WASHC5: variants seen among roughly 807,000 people sequenced by gnomAD.
WASHC5 encodes the protein WASH complex subunit strumpellin.
Under a neutral mutation model 150.4 loss-of-function variants are expected in WASHC5, and 101 were observed. The ratio of observed to expected loss-of-function variants is 0.67; its 90% confidence interval spans 0.57 to 0.79. The LOEUF is 0.79. WASHC5 is among the 30% of genes least tolerant of loss of function. The pLI is 0.00. For missense variants in WASHC5, 1,195 were observed against 1,396.3 expected (o/e 0.86, Z 2.30); for synonymous variants, 467 against 491.2 (o/e 0.95, Z 0.65).
intron 10 of WASHC5, among the ~76,000 whole-genome samples, chr8:125,066,295 A>T (rs560538541): frequency 6.6e-6 from 1 of 152,322 alleles, no homozygotes; most frequent in Non-Finnish European, 1.5e-5. Flanking sequence ...TTTCTGAGCT[A>T]CTTAGTAGGG....
At chr8:125,041,354 G>C (rs1381782822) in intron 23 of WASHC5, among the ~76,000 whole-genome samples, 1 of 152,188 alleles carries the variant, frequency 6.6e-6, no homozygotes, top group East Asian at 1.9e-4. Flanking sequence ...GCAGAGAAGA[G>C]TTAAGGAAAA....
chr8:125,055,251 C>T (rs1029402062), intron 17 of WASHC5, among the ~76,000 whole-genome samples: 33 of 152,048 alleles, frequency 2.2e-4, no homozygotes, highest in Admixed American at 2.1e-3. Context: ...TGGTGAAACT[C>T]GTCTCTATTA....
intron 1 of WASHC5, among the ~76,000 whole-genome samples, chr8:125,088,888 G>A (rs1013666642): frequency 1.3e-5 from 2 of 152,038 alleles, no homozygotes; most frequent in African/African-American, 4.8e-5. Context: ...AAGTGCAAAG[G>A]CCCCAGGGCA....
At chr8:125,045,340 T>C (rs868603434) in intron 20 of WASHC5, among the ~76,000 whole-genome samples, 3 of 152,224 alleles carry the variant, frequency 2.0e-5, no homozygotes, top group Middle Eastern at 3.2e-3. Flanking sequence ...ATGTGCTATT[T>C]CATCCTCATA....
intron 5 of WASHC5, 69 bp from the exon 6 acceptor site, chr8:125,078,999 A>G: frequency 1.5e-6 from 2 of 1,312,526 alleles, no homozygotes; most frequent in Non-Finnish European, 1.1e-6. Flanking sequence ...AGTCCAATAA[A>G]GTAGAATTCC....
Position 125,056,684 on chromosome 8 carries a change from C to T in WASHC5, c.2009G>A (p.Arg670Gln), listed in dbSNP as rs1377536205. The change falls in exon 16 of 29, where the codon CGA (arginine) becomes CAA (glutamine). Residue 670 changes from arginine (R) to glutamine (Q), a missense_variant. Arg to Gln is a conservative substitution (Grantham distance 43, BLOSUM62 1). This residue lies in a region of WASHC5 where 997 missense variants were observed against 1,168.1 expected (regional missense o/e 0.85). Coordinates refer to ENST00000318410, the MANE Select transcript of WASHC5 (RefSeq NM_014846.4). ...GTCAGAGGGACACAGCACCTCGTAT[C>T]GTGGGCCTAGCTGAGCATAGTCCCT... ...KLRDYAQLGP[R>Q]YEVAKLTHAI... The T allele has an allele frequency of 5.0e-6, 8 of 1,613,946 alleles. No homozygotes were observed. In the African/African-American group the frequency reaches 5.3e-5, roughly 11 times the overall value.
intron 17 of WASHC5, among the ~76,000 whole-genome samples, chr8:125,054,724 C>A (rs559905377): frequency 6.6e-6 from 1 of 151,752 alleles, no homozygotes; most frequent in South Asian, 2.1e-4. Context: ...GAGGCTGAGG[C>A]AGGAGAATGG....
intron 12 of WASHC5, among the ~76,000 whole-genome samples, chr8:125,060,105 A>G (rs1816547725): frequency 6.6e-6 from 1 of 152,270 alleles, no homozygotes; most frequent in South Asian, 2.1e-4. Flanking sequence ...AAATATTCCA[A>G]GTGAAAACAG....
At chr8:125,049,626 C>T (rs956253802) in intron 18 of WASHC5, among the ~76,000 whole-genome samples, 2 of 151,606 alleles carry the variant, frequency 1.3e-5, no homozygotes, top group African/African-American at 4.9e-5. Flanking sequence ...ATGGGTGGAT[C>T]ACTTGAGGTC....
At chr8:125,046,426 G>C (rs928198546) in intron 20 of WASHC5, among the ~76,000 whole-genome samples, 1 of 152,170 alleles carries the variant, frequency 6.6e-6, no homozygotes, top group East Asian at 1.9e-4. Context: ...ACTGCTGAAC[G>C]TAGAGCCCAC....
At chr8:125,064,621 CTG>C (rs1816696119) in intron 10 of WASHC5, among the ~76,000 whole-genome samples, 1 of 147,806 alleles carries the variant, frequency 6.8e-6, no homozygotes, top group African/African-American at 2.5e-5. Flanking sequence ...TTTTTTTTTT[CTG>C]AAACAAACTT....
chr8:125,076,317 A>G (rs1817058134), intron 7 of WASHC5, 31 bp downstream of exon 7: 1 of 1,603,914 alleles, frequency 6.2e-7, no homozygotes, highest in African/African-American at 1.3e-5. Flanking sequence ...TAACACATTT[A>G]CTGTAGAGGA....
At chr8:125,088,887 G>A (rs1372139015) in intron 1 of WASHC5, among the ~76,000 whole-genome samples, 3 of 152,094 alleles carry the variant, frequency 2.0e-5, no homozygotes, top group Non-Finnish European at 4.4e-5. Context: ...TAAGTGCAAA[G>A]GCCCCAGGGC....
chr8:125,083,000 A>G lies in WASHC5; in HGVS notation c.332+113T>C, dbSNP rs921377395. 20 of 730,008 alleles carry G rather than the reference A, an allele frequency of 2.7e-5. No homozygotes were observed. The Admixed American group carries it at 4.9e-4, about 18-fold the overall frequency. 45.2% of individuals were successfully genotyped at this position (730,008 alleles called of 1,614,324 possible). A position where few individuals can be genotyped will look rare whatever the true frequency, so the allele number is the denominator to read the frequency against. ...AGGAAAAGACAACTATATACAGTAT[A>G]AACTAAATTAGGAAATTTTGTAGTA... On this transcript the variant is annotated intron_variant, in intron 3 of 28. Coordinates refer to ENST00000318410, the MANE Select transcript of WASHC5 (RefSeq NM_014846.4).
chr8:125,080,977 C>G (rs1817241267), intron 5 of WASHC5, among the ~76,000 whole-genome samples: 1 of 152,126 alleles, frequency 6.6e-6, no homozygotes, highest in Non-Finnish European at 1.5e-5. Flanking sequence ...TATTTGAAAA[C>G]TTAAACAACA....
At chr8:125,038,682 T>C in intron 25 of WASHC5, 148 bp downstream of exon 25, 3 of 915,024 alleles carry the variant, frequency 3.3e-6, no homozygotes, top group Non-Finnish European at 3.5e-6. Flanking sequence ...AGTGTGATGA[T>C]TGCTTAGAAA....
rs202120400 is a variant in WASHC5 at position 125,083,887 on chromosome 8, A to G, written c.12T>C (p.Phe4=). The G allele has an allele frequency of 1.5e-4, 241 of 1,613,880 alleles. No homozygotes were observed. The highest frequency in any genetic ancestry group is 2.2e-4 in the Admixed American group (13 of 59,960). MLD[F]LAENNLCGQA... ...GGCCACAGAGGTTGTTCTCGGCTAG[A>G]AAGTCCAACATTGTGAGGCGGACCG... Residue 4 remains phenylalanine, a synonymous_variant, in exon 2 of 29, where the codon TTT becomes TTC. Transcript: ENST00000318410.
In WASHC5 at chr8:125,084,032, CA is replaced by C; in HGVS notation, c.-124-11del. On this transcript the variant is annotated splice_polypyrimidine_tract_variant and intron_variant, in intron 1 of 28. Transcript: ENST00000318410. Reference sequence around the variant, plus strand: ...TCCTCCATTAAAGAACCTGTATCCCCAAAAAAAGTGTGAAAATCTCAATTTG... The same window carrying C: ...TCCTCCATTAAAGAACCTGTATCCCCAAAAAAGTGTGAAAATCTCAATTTG... 3 of 805,836 alleles carry C rather than the reference CA, an allele frequency of 3.7e-6. No homozygotes were observed. The highest frequency in any genetic ancestry group is 2.7e-5 in the East Asian group (1 of 37,268). 49.9% of individuals were successfully genotyped at this position (805,836 alleles called of 1,614,324 possible). A position where few individuals can be genotyped will look rare whatever the true frequency, so the allele number is the denominator to read the frequency against.
chr8:125,077,868 T>G (rs1817111306), intron 6 of WASHC5, among the ~76,000 whole-genome samples: 1 of 152,146 alleles, frequency 6.6e-6, no homozygotes, highest in African/African-American at 2.4e-5. Context: ...AGACCTGGCA[T>G]CTGTGGGTAG....
Sources: allele counts gnomAD v4.1 joint callset (sites outside exome capture counted in the v4.1 genomes callset), GRCh38; gene constraint gnomAD v4.1.1; regional missense constraint gnomAD v4.1.1; transcripts MANE v1.5; gene names NCBI Gene and HGNC (gene_info 2026-07-23, HGNC 2026-07-21).